The following TG variants were observed in gnomAD, a reference collection of about 807,000 sequenced individuals.
TG encodes the protein thyroglobulin.
A neutral mutation model predicts 324.7 loss-of-function variants in TG; 270 were observed. The observed-to-expected ratio is 0.83, with a 90% CI of 0.75 to 0.92. TG has a LOEUF of 0.92. Ranked by LOEUF, TG falls within the 40% of genes least tolerant of loss-of-function variation. The probability of loss-of-function intolerance (pLI) is 0.00; values close to 1 mark genes in which losing one functional copy is unlikely to be tolerated. For missense variants in TG, 3,591 were observed against 3,456.4 expected (o/e 1.04, Z -0.98); for synonymous variants, 1,401 against 1,327.0 (o/e 1.06, Z -1.21).
chr8:132,882,581 A>G lies in TG; in HGVS notation c.858A>G (p.Ala286=), dbSNP rs918651294. ...GGATACTGCAGAGACGGTTCCTCGC[A>G]GTTCAATCAGTCATCTCTGGCAGAT... ...LYRILQRRFL[A]VQSVISGRFR... The change falls in exon 7 of 48, where the codon GCA becomes GCG. Residue 286 remains alanine (A), a synonymous_variant. Coordinates refer to ENST00000220616, the MANE Select transcript of TG (RefSeq NM_003235.5). The G allele has an allele frequency of 6.2e-7, 1 of 1,614,210 alleles. No homozygotes were observed. Among genetic ancestry groups the G allele is most frequent in the Non-Finnish European group, 8.5e-7 (1 of 1,180,048 alleles).
intron 22 of TG, 87 bp from the exon 23 acceptor site, chr8:132,928,989 A>G (rs765951350): frequency 3.1e-5 from 34 of 1,085,874 alleles, no homozygotes; most frequent in South Asian, 1.6e-4. Context: ...ATGGGTATTG[A>G]CTGCTTGACC....
intron 41 of TG, among the ~76,000 whole-genome samples, chr8:133,051,469 G>A (rs573634002): frequency 2.0e-5 from 3 of 152,242 alleles, no homozygotes; most frequent in African/African-American, 7.2e-5. Context: ...AGGACCATGA[G>A]GCAGTAACTC....
chr8:132,898,082 G>T, intron 12 of TG, 87 bp from the exon 13 acceptor site: 1 of 1,301,214 alleles, frequency 7.7e-7, no homozygotes, highest in South Asian at 1.3e-5. Context: ...GCACTGCTAT[G>T]AGTGAAGAAG....
intron 41 of TG, among the ~76,000 whole-genome samples, chr8:133,039,594 T>C (rs1837772841): frequency 6.6e-6 from 1 of 152,230 alleles, no homozygotes; most frequent in South Asian, 2.1e-4. Context: ...AAGAAGTCAC[T>C]GTAGGATTCT....
At chr8:132,883,211 C>A (rs372363068) in intron 8 of TG, 7 of 595,234 alleles carry the variant, frequency 1.2e-5, no homozygotes, top group Non-Finnish European at 1.8e-5. Flanking sequence ...TTTCAGGGAG[C>A]TCAGGGAATA....
intron 45 of TG, among the ~76,000 whole-genome samples, chr8:133,129,058 C>T (rs1194539771): frequency 6.6e-6 from 1 of 152,218 alleles, no homozygotes; most frequent in East Asian, 1.9e-4. Flanking sequence ...CTGGAACTCC[C>T]AGCCAGTGCC....
chr8:133,084,335 A>T (rs1163706656), intron 41 of TG, among the ~76,000 whole-genome samples: 1 of 152,214 alleles, frequency 6.6e-6, no homozygotes, highest in Non-Finnish European at 1.5e-5. Flanking sequence ...AGGGTCTTTT[A>T]CAAGTTATAA....
intron 25 of TG, among the ~76,000 whole-genome samples, chr8:132,936,917 A>G (rs1338330231): frequency 6.7e-6 from 1 of 150,218 alleles, no homozygotes; most frequent in South Asian, 2.1e-4. Context: ...CCTCTGCCAC[A>G]TATGAGCTGC....
At chr8:133,025,691 T>G (rs1338067349) in intron 40 of TG, among the ~76,000 whole-genome samples, 2 of 152,218 alleles carry the variant, frequency 1.3e-5, no homozygotes, top group East Asian at 3.9e-4. Context: ...CAGGATCATT[T>G]TGTTGCCCTC....
chr8:132,957,458 G>A (rs1827057061), intron 27 of TG, among the ~76,000 whole-genome samples: 1 of 152,062 alleles, frequency 6.6e-6, no homozygotes, highest in African/African-American at 2.4e-5. Flanking sequence ...TGCACCTGCG[G>A]GAAGCACCCA....
chr8:133,095,182 A>G lies in TG; in HGVS notation c.7378A>G (p.Asn2460Asp), dbSNP rs1317108265. Residue 2460 changes from asparagine (N) to aspartate (D), a missense_variant, in exon 42 of 48, where the codon AAT (asparagine) becomes GAT (aspartate). By Grantham distance (23) the Asn-to-Asp change is conservative. Coordinates refer to ENST00000220616, the MANE Select transcript of TG (RefSeq NM_003235.5). ...VVSCLRQKPA[N>D]VLNDAQTKLL... ...GTCCTGCCTCCGCCAGAAGCCTGCC[A>G]ATGTCCTCAATGATGCCCAGACCAA... The G allele has an allele frequency of 6.2e-7, 1 of 1,614,214 alleles. No individual in the cohort carries two copies. Among genetic ancestry groups the G allele is most frequent in the Admixed American group, 1.7e-5 (1 of 60,028 alleles).
At position 132,919,364 on chromosome 8, in the gene TG, G is replaced by GT. The variant is rs375500848; in HGVS notation, c.4379-5dup. Reference sequence around the variant, plus strand: ...TCTTGATTTTTAACATCATTTCTCTGTTTTTTTCTAGTTAAGTGTCCTGAA... The same window carrying GT: ...TCTTGATTTTTAACATCATTTCTCTGTTTTTTTTCTAGTTAAGTGTCCTGAA... On this transcript the variant is annotated splice_polypyrimidine_tract_variant and intron_variant, in intron 20 of 47. Transcript: ENST00000220616. The GT allele has an allele frequency of 5.3e-5, 85 of 1,613,178 alleles. No homozygotes were observed. In the African/African-American group the frequency reaches 7.9e-4, roughly 15 times the overall value.
rs1823495809 is a variant in TG at position 132,935,786 on chromosome 8, A to T, written c.4963A>T (p.Thr1655Ser). ...AGATGCACTGGGGAACTCAAAGGCC[A>T]CCAGCTTTGGAAGTCTTCGCTGCCA... ...KRDALGNSKATSFGSLRCQVK... is the reference protein window; with the variant it reads ...KRDALGNSKASSFGSLRCQVK... The change falls in exon 25 of 48, where the codon ACC becomes TCC. Residue 1655 changes from threonine to serine, a missense_variant. By Grantham distance (58) the Thr-to-Ser change is moderately conservative. Coordinates refer to ENST00000220616, the MANE Select transcript of TG (RefSeq NM_003235.5). 2.5e-6 allele frequency: 4 copies of T among 1,612,880 alleles called. No homozygotes were observed. The South Asian group carries it at 4.4e-5, about 18-fold the overall frequency.
chr8:132,905,339 CAAG>C lies in TG; in HGVS notation c.3635-1348_3635-1346del, dbSNP rs1818524585. Reference sequence around the variant, plus strand: ...ACTTGGGACTTGGTGAAAGACAACTCAAGGAGCCTACTGCAAATCGCAGTGCAA... The same window carrying C: ...ACTTGGGACTTGGTGAAAGACAACTCGAGCCTACTGCAAATCGCAGTGCAA... On this transcript the variant is annotated intron_variant, in intron 16 of 47. Coordinates refer to ENST00000220616, the MANE Select transcript of TG (RefSeq NM_003235.5). Among the ~76,000 whole-genome samples, 5 of 152,292 alleles carry C rather than the reference CAAG, an allele frequency of 3.3e-5. No homozygotes were observed. The South Asian group carries it at 1.0e-3, about 32-fold the overall frequency.
intron 35 of TG, among the ~76,000 whole-genome samples, chr8:133,005,330 G>T (rs920314488): frequency 4.6e-5 from 7 of 152,190 alleles, no homozygotes; most frequent in Middle Eastern, 3.2e-3. Flanking sequence ...GTGGAAGTCA[G>T]GAGTCAGATG....
At chr8:132,910,458 G>T (rs1385781843) in intron 18 of TG, among the ~76,000 whole-genome samples, 1 of 152,132 alleles carries the variant, frequency 6.6e-6, no homozygotes, top group African/African-American at 2.4e-5. Flanking sequence ...GTTACCTTTT[G>T]CCATCATCTG....
intron 41 of TG, among the ~76,000 whole-genome samples, chr8:133,045,787 C>T (rs892508151): frequency 2.6e-5 from 4 of 152,150 alleles, no homozygotes; most frequent in African/African-American, 9.7e-5. Flanking sequence ...CAACCTGTAG[C>T]TCCAGGATCC....
intron 45 of TG, among the ~76,000 whole-genome samples, chr8:133,126,171 G>A (rs563351199): frequency 6.6e-6 from 1 of 152,294 alleles, no homozygotes; most frequent in Non-Finnish European, 1.5e-5. Flanking sequence ...CAGGATCAGA[G>A]GGTTAAGCTG....
At chr8:133,055,318 C>A (rs1841172370) in intron 41 of TG, among the ~76,000 whole-genome samples, 1 of 151,174 alleles carries the variant, frequency 6.6e-6, no homozygotes, top group African/African-American at 2.4e-5. Flanking sequence ...GGGGTCAAAG[C>A]AGGCCTGACT....
Sources: gnomAD v4.1 joint callset for allele counts (sites outside exome capture counted in the v4.1 genomes callset) on GRCh38, gnomAD v4.1.1 for gene constraint, MANE v1.5 for transcripts, NCBI Gene and HGNC (gene_info 2026-07-23, HGNC 2026-07-21) for gene names.